KCNH7: variants seen among roughly 807,000 people sequenced by gnomAD.
The protein encoded by KCNH7 is potassium voltage-gated channel subfamily H member 7, also known as voltage-gated inwardly rectifying potassium channel KCNH7.
In KCNH7, 49 loss-of-function variants were observed where a neutral mutation model predicts 120.8. That is an observed-to-expected ratio of 0.41 (90% CI 0.32 to 0.51). The LOEUF is 0.51. KCNH7 is among the 20% of genes least tolerant of loss of function. The pLI is 0.38. For missense variants in KCNH7, 1,097 were observed against 1,446.6 expected (o/e 0.76, Z 3.92); for synonymous variants, 547 against 516.1 (o/e 1.06, Z -0.81).
At chr2:162,802,147 T>C (rs1033380123) in intron 2 of KCNH7, among the ~76,000 whole-genome samples, 1 of 151,726 alleles carries the variant, frequency 6.6e-6, no homozygotes, top group African/African-American at 2.4e-5. Context: ...GTGTTGCAGA[T>C]GGTGTTGGTT....
chr2:162,806,193 T>C (rs1031054863), intron 2 of KCNH7, among the ~76,000 whole-genome samples: 7 of 152,054 alleles, frequency 4.6e-5, no homozygotes, highest in African/African-American at 1.2e-4. Flanking sequence ...ATGTAATTCA[T>C]CCATGTAACT....
At chr2:162,401,413 A>G (rs1687060747) in intron 9 of KCNH7, among the ~76,000 whole-genome samples, 2 of 151,904 alleles carry the variant, frequency 1.3e-5, no homozygotes, top group African/African-American at 4.8e-5. Context: ...GGGGCATTAT[A>G]TAGTGCAATT....
intron 2 of KCNH7, among the ~76,000 whole-genome samples, chr2:162,619,025 T>A (rs1039946932): frequency 1.3e-5 from 2 of 152,138 alleles, no homozygotes; most frequent in Non-Finnish European, 2.9e-5. Flanking sequence ...GTAAAAAAGT[T>A]GGTGCCCTGA....
chr2:162,838,596 GCC>G lies in KCNH7; in HGVS notation c.-80_-79del. The G allele has an allele frequency of 1.7e-6, 2 of 1,150,626 alleles. No individual in the cohort carries two copies. Among genetic ancestry groups the G allele is most frequent in the Non-Finnish European group, 2.5e-6 (2 of 807,600 alleles). The allele number at this position is 1,150,626 out of a possible 1,614,324, so 71.3% of individuals were successfully genotyped here. A position where few individuals can be genotyped will look rare whatever the true frequency, so the allele number is the denominator to read the frequency against. The stretch of plus-strand genomic sequence containing the variant: ...GGATCTCTCCTCGGCTAGAGCCCAG[GCC>G]AGCGCGCGAGCCGCTCTTTGTGGCA... On this transcript the variant is annotated 5_prime_UTR_variant, in exon 1 of 16. It removes the in-frame stop codon of an upstream open reading frame in the 5' UTR. Transcript: ENST00000332142.
chr2:162,586,441 G>A (rs1694023398), intron 2 of KCNH7, among the ~76,000 whole-genome samples: 1 of 152,006 alleles, frequency 6.6e-6, no homozygotes, highest in South Asian at 2.1e-4. Flanking sequence ...ATCTATTAGT[G>A]GAGCCATCTT....
At chr2:162,438,762 T>C (rs1688334255) in intron 7 of KCNH7, among the ~76,000 whole-genome samples, 1 of 152,202 alleles carries the variant, frequency 6.6e-6, no homozygotes, top group Admixed American at 6.5e-5. Context: ...CTTTGTTAGC[T>C]ACAGTTGTGT....
intron 2 of KCNH7, among the ~76,000 whole-genome samples, chr2:162,586,292 A>C (rs1235271978): frequency 2.0e-5 from 3 of 152,054 alleles, no homozygotes; most frequent in Non-Finnish European, 4.4e-5. Context: ...GAGACCTCAA[A>C]AGGCCTTCCT....
chr2:162,514,458 A>T (rs1247757869), intron 4 of KCNH7, among the ~76,000 whole-genome samples: 2 of 151,740 alleles, frequency 1.3e-5, no homozygotes, highest in Non-Finnish European at 1.5e-5. Context: ...CTAACAAAAC[A>T]TTACATTATA....
chr2:162,425,554 G>A (rs943990273), intron 8 of KCNH7, among the ~76,000 whole-genome samples: 2 of 152,102 alleles, frequency 1.3e-5, no homozygotes, highest in Non-Finnish European at 2.9e-5. Context: ...TGAAAAATAC[G>A]TTTTACTCAT....
At chr2:162,775,574 A>G (rs1230463292) in intron 2 of KCNH7, among the ~76,000 whole-genome samples, 1 of 152,202 alleles carries the variant, frequency 6.6e-6, no homozygotes, top group Admixed American at 6.5e-5. Context: ...GAAAGAATGT[A>G]GAGCTATATA....
At chr2:162,779,464 G>T (rs1222565545) in intron 2 of KCNH7, among the ~76,000 whole-genome samples, 1 of 152,116 alleles carries the variant, frequency 6.6e-6, no homozygotes, top group Non-Finnish European at 1.5e-5. Context: ...CTCCCAAAGT[G>T]CTGGAATTAC....
At chr2:162,670,615 G>A (rs1290436503) in intron 2 of KCNH7, among the ~76,000 whole-genome samples, 2 of 151,836 alleles carry the variant, frequency 1.3e-5, no homozygotes, top group Admixed American at 1.3e-4. Context: ...AAGGAAGCAG[G>A]TGAGACAGTG....
intron 9 of KCNH7, among the ~76,000 whole-genome samples, chr2:162,419,380 GA>G (rs1245539800): frequency 6.7e-6 from 1 of 150,034 alleles, no homozygotes; most frequent in East Asian, 2.0e-4. Context: ...AAATAGGTTA[GA>G]ATTGCCATCC....
In KCNH7 at chr2:162,620,177, T is replaced by G. The variant is rs542615610; in HGVS notation, c.308-83097A>C. ...ATATATATATAGAGAGAGAGATAGA[T>G]ATTTTTGTTATGTATCCTTTTATTT... On this transcript the variant is annotated intron_variant, in intron 2 of 15. Coordinates refer to ENST00000332142, the MANE Select transcript of KCNH7 (RefSeq NM_033272.4). Among the ~76,000 whole-genome samples, 325 of 150,282 alleles carry G rather than the reference T, an allele frequency of 2.2e-3. 1 individual carries two copies. Among genetic ancestry groups the G allele is most frequent in the African/African-American group, 6.9e-3 (285 of 41,146 alleles).
intron 2 of KCNH7, among the ~76,000 whole-genome samples, chr2:162,610,162 C>A (rs916923546): frequency 8.6e-4 from 131 of 152,286 alleles, no homozygotes; most frequent in African/African-American, 3.0e-3. Flanking sequence ...ATTCATTCAA[C>A]ATCATATTGG....
At chr2:162,452,786 A>G (rs797017179) in intron 6 of KCNH7, among the ~76,000 whole-genome samples, 40 of 152,188 alleles carry the variant, frequency 2.6e-4, no homozygotes, top group African/African-American at 9.6e-4. Flanking sequence ...TATAAGAAGT[A>G]TATTTTTGCA....
chr2:162,688,326 A>G (rs1187390066), intron 2 of KCNH7, among the ~76,000 whole-genome samples: 1 of 152,126 alleles, frequency 6.6e-6, no homozygotes, highest in Non-Finnish European at 1.5e-5. Flanking sequence ...ACACAGATTC[A>G]TGGATTCCAG....
chr2:162,831,534 T>A (rs1313762562), intron 2 of KCNH7, among the ~76,000 whole-genome samples: 1 of 152,200 alleles, frequency 6.6e-6, no homozygotes, highest in African/African-American at 2.4e-5. Context: ...AGATCCCAGA[T>A]GAATGGTGAC....
At chr2:162,740,137 G>T (rs546814481) in intron 2 of KCNH7, among the ~76,000 whole-genome samples, 1 of 152,290 alleles carries the variant, frequency 6.6e-6, no homozygotes, top group Admixed American at 6.5e-5. Flanking sequence ...AGTTATCATT[G>T]CTCAGGTAAA....
Sources: gnomAD v4.1 joint callset for allele counts (sites outside exome capture counted in the v4.1 genomes callset) on GRCh38, gnomAD v4.1.1 for gene constraint, MANE v1.5 for transcripts, NCBI Gene and HGNC (gene_info 2026-07-23, HGNC 2026-07-21) for gene names.